PGS1: variants seen among roughly 807,000 people sequenced by gnomAD.
PGS1 encodes CDP-diacylglycerol--glycerol-3-phosphate 3-phosphatidyltransferase, mitochondrial.
A neutral mutation model predicts 58.3 loss-of-function variants in PGS1; 44 were observed. The observed-to-expected ratio is 0.75, with a 90% CI of 0.59 to 0.97. The LOEUF (loss-of-function observed/expected upper bound fraction) is 0.97. Ranked by LOEUF, PGS1 falls within the 50% of genes least tolerant of loss-of-function variation. The probability of loss-of-function intolerance (pLI) is 0.00; values close to 1 mark genes in which losing one functional copy is unlikely to be tolerated. For synonymous variants in PGS1, 330 were observed against 311.0 expected (o/e 1.06, Z -0.64); for missense variants, 684 against 731.1 (o/e 0.94, Z 0.74).
chr17:78,422,469 C>T (rs373287946), intron 9 of PGS1, among the ~76,000 whole-genome samples: 4 of 125,354 alleles, frequency 3.2e-5, no homozygotes, highest in South Asian at 5.4e-4. Context: ...TCAAGCTGAA[C>T]GTAGAACGAT....
intron 8 of PGS1, 70 bp from the exon 9 acceptor site, chr17:78,419,463 AGGGGCTGGGCTGG>A: frequency 8.1e-7 from 1 of 1,238,906 alleles, no homozygotes; most frequent in Non-Finnish European, 1.2e-6. Context: ...GGCTGGCCTG[AGGGGCTGGGCTGG>A]GGCCAGCCGG....
chr17:78,421,179 C>T (rs2085699777), intron 9 of PGS1: 1 of 152,166 alleles, frequency 6.6e-6, no homozygotes, highest in Non-Finnish European at 1.5e-5. Context: ...TTTATAAAGC[C>T]AGCTCTCCAT....
chr17:78,386,259 T>C (rs543546594), intron 1 of PGS1, among the ~76,000 whole-genome samples: 2 of 152,300 alleles, frequency 1.3e-5, no homozygotes, highest in East Asian at 3.9e-4. Context: ...GTCATTTGTT[T>C]TGGTTGTTGC....
At chr17:78,380,669 C>T (rs1460087418) in intron 1 of PGS1, among the ~76,000 whole-genome samples, 1 of 152,118 alleles carries the variant, frequency 6.6e-6, no homozygotes, top group Non-Finnish European at 1.5e-5. Context: ...AATGTTCTAC[C>T]CTTGAAGACA....
In PGS1 at chr17:78,420,897, T is replaced by C. The variant is rs562544629; in HGVS notation, c.*10+1222T>C. 4 of 152,276 alleles carry C rather than the reference T, an allele frequency of 2.6e-5. No homozygotes were observed. In the South Asian group the frequency reaches 8.3e-4, roughly 32 times the overall value. The allele number at this position is 152,276 out of a possible 1,614,324, so 9.4% of individuals were successfully genotyped here. ...TGCTGTCTTCCCCCAAAATGTGTACTTAACCAAAACAGCACCAGTGTCACT... is the reference window on the plus strand; with the variant it reads ...TGCTGTCTTCCCCCAAAATGTGTACCTAACCAAAACAGCACCAGTGTCACT... On this transcript the variant is annotated intron_variant, in intron 9 of 9. Coordinates refer to ENST00000262764, the MANE Select transcript of PGS1 (RefSeq NM_024419.5).
intron 8 of PGS1, among the ~76,000 whole-genome samples, chr17:78,419,099 C>T (rs2085463154): frequency 6.6e-6 from 1 of 152,006 alleles, no homozygotes; most frequent in African/African-American, 2.4e-5. Flanking sequence ...GCTTTGACCT[C>T]CCGGGCTGAA....
At chr17:78,398,917 A>T (rs1898755660) in intron 4 of PGS1, among the ~76,000 whole-genome samples, 1 of 152,246 alleles carries the variant, frequency 6.6e-6, no homozygotes, top group South Asian at 2.1e-4. Context: ...GACTGGCCTG[A>T]CGGTGGCATG....
At chr17:78,386,999 ATGATGATGG>A (rs1325090659) in intron 1 of PGS1, among the ~76,000 whole-genome samples, 2 of 149,136 alleles carry the variant, frequency 1.3e-5, no homozygotes, top group African/African-American at 2.5e-5. Flanking sequence ...GGTGATGATG[ATGATGATGG>A]TGATGATGAT....
At position 78,400,889 on chromosome 17, in the gene PGS1, T is replaced by A; in HGVS notation, c.880+34T>A. On this transcript the variant is annotated intron_variant, in intron 6 of 9. Coordinates refer to ENST00000262764, the MANE Select transcript of PGS1 (RefSeq NM_024419.5). This position sits in a 1 kb window ranked among gnomAD's most constrained non-coding sequence, Gnocchi z 4.4. ...TGCCGCTGACACCCTTCTATGGCTGTGGGTGGGGTGGAGTGAGGGCCCGGG... is the reference window on the plus strand; with the variant it reads ...TGCCGCTGACACCCTTCTATGGCTGAGGGTGGGGTGGAGTGAGGGCCCGGG... 6.5e-7 allele frequency: 1 copy of A among 1,528,706 alleles called. No individual in the cohort carries two copies. Among genetic ancestry groups the A allele is most frequent in the East Asian group, 2.3e-5 (1 of 42,772 alleles). 94.7% of individuals were successfully genotyped at this position (1,528,706 alleles called of 1,614,324 possible).
chr17:78,400,382 CA>C lies in PGS1; in HGVS notation c.702-282del, dbSNP rs35635587. On this transcript the variant is annotated intron_variant, in intron 5 of 9. Transcript: ENST00000262764. This position sits in a 1 kb window ranked among gnomAD's most constrained non-coding sequence, Gnocchi z 4.4. ...CCTGGGCGACAGAATGAGATTGTCT[CA>C]AAAAAAAAAAAAGCCCTGTGTGGTT... is the stretch of plus-strand genomic sequence containing the variant. Among the ~76,000 whole-genome samples, 380 of 134,220 alleles carry C rather than the reference CA, an allele frequency of 2.8e-3. 1 individual carries two copies. Among genetic ancestry groups the C allele is most frequent in the African/African-American group, 4.4e-3 (160 of 36,038 alleles). The allele number at this position is 134,220 out of a possible 152,430, so 88.1% of individuals were successfully genotyped here.
chr17:78,382,621 C>T (rs62079157), intron 1 of PGS1: 2,694 of 145,952 alleles, frequency 0.018, 40 homozygotes, highest in Admixed American at 0.029. Context: ...TTGAGTCATC[C>T]GGCTACACAG....
Position 78,419,805 on chromosome 17 carries a change from C to T in PGS1, c.*10+130C>T, listed in dbSNP as rs2085531342. The stretch of plus-strand genomic sequence containing the variant: ...CCTTTCTCAGTTAAACACAGAGCAG[C>T]ATCTTCAGGGGTATGGCAGCTGTCC... On this transcript the variant is annotated intron_variant, in intron 9 of 9. Coordinates refer to ENST00000262764, the MANE Select transcript of PGS1 (RefSeq NM_024419.5). The T allele has an allele frequency of 2.7e-5, 40 of 1,496,278 alleles. No homozygotes were observed. In the South Asian group the frequency reaches 4.5e-4, roughly 17 times the overall value. 92.7% of individuals were successfully genotyped at this position (1,496,278 alleles called of 1,614,324 possible).
Position 78,403,748 on chromosome 17 carries a change from T to C in PGS1, c.1061T>C (p.Leu354Pro). 1 of 1,614,208 alleles carries C rather than the reference T, an allele frequency of 6.2e-7. No homozygotes were observed. Among genetic ancestry groups the C allele is most frequent in the South Asian group, 1.1e-5 (1 of 91,088 alleles). Residue 354 changes from leucine (L) to proline (P), a missense_variant, in exon 7 of 10, where the codon CTG (leucine) becomes CCG (proline). By Grantham distance (98) the Leu-to-Pro change is moderately conservative. Coordinates refer to ENST00000262764, the MANE Select transcript of PGS1 (RefSeq NM_024419.5). ...RPAPDTWIYPLIQMKPFEIQI... is the reference protein window; with the variant it reads ...RPAPDTWIYPPIQMKPFEIQI... ...GCCCCTGACACCTGGATTTATCCGC[T>C]GATTCAGATGAAGCCCTTCGAGATT... is the stretch of plus-strand genomic sequence containing the variant.
chr17:78,396,483 C>A, intron 3 of PGS1, 98 bp downstream of exon 3: 2 of 841,670 alleles, frequency 2.4e-6, no homozygotes, highest in South Asian at 1.7e-5. Flanking sequence ...GCTGCCTTTC[C>A]TTGGCCTCCA....
At chr17:78,387,997 C>G (rs1483178180) in intron 1 of PGS1, among the ~76,000 whole-genome samples, 1 of 152,160 alleles carries the variant, frequency 6.6e-6, no homozygotes, top group Non-Finnish European at 1.5e-5. Flanking sequence ...TTTTTATGCA[C>G]CTTCCTTTTT....
At chr17:78,423,879 G>T in intron 9 of PGS1, 182 bp from the exon 10 acceptor site, 1 of 1,612,484 alleles carries the variant, frequency 6.2e-7, no homozygotes, top group Non-Finnish European at 8.5e-7. Context: ...CAGCCCCAGG[G>T]AGTGTGGGCT....
Position 78,419,689 on chromosome 17 carries a change from C to T in PGS1, c.*10+14C>T, listed in dbSNP as rs777351796. On this transcript the variant is annotated intron_variant, in intron 9 of 9. Coordinates refer to ENST00000262764, the MANE Select transcript of PGS1 (RefSeq NM_024419.5). ...GAGGACAGACAGGTGCTGTCTCTAGCATCACCTCTCAGCACGATTTTCCCG... is the reference window on the plus strand; with the variant it reads ...GAGGACAGACAGGTGCTGTCTCTAGTATCACCTCTCAGCACGATTTTCCCG... 2 of 1,612,732 alleles carry T rather than the reference C, an allele frequency of 1.2e-6. No homozygotes were observed. Among genetic ancestry groups the T allele is most frequent in the South Asian group, 2.2e-5 (2 of 91,024 alleles).
chr17:78,400,815 C>T lies in PGS1; in HGVS notation c.840C>T (p.Asp280=), dbSNP rs758263507. The change falls in exon 6 of 10, where the codon GAC becomes GAT. Residue 280 remains aspartate, a synonymous_variant. Coordinates refer to ENST00000262764, the MANE Select transcript of PGS1 (RefSeq NM_024419.5). The surrounding 1 kb of genome is among the most constrained non-coding windows in gnomAD (Gnocchi z 4.4). ...GDVSLQLQGD[D]TVQVVDGMVH... ...TGTCCCTGCAGCTGCAGGGGGACGA[C>T]ACGGTGCAGGTGGTGGATGGGATGG... The T allele has an allele frequency of 9.3e-6, 15 of 1,612,730 alleles. No homozygotes were observed. The Admixed American group carries it at 2.3e-4, about 25-fold the overall frequency.
rs1191582553 is a variant in PGS1, at chr17:78,398,313, A to G, written c.473A>G (p.Lys158Arg). 5 of 1,614,048 alleles carry G rather than the reference A, an allele frequency of 3.1e-6. 1 individual carries two copies. The highest frequency in any genetic ancestry group is 4.5e-5 in the East Asian group (2 of 44,886). The change falls in exon 4 of 10, where the codon AAG becomes AGG. Residue 158 changes from lysine (K) to arginine (R), a missense_variant. Transcript: ENST00000262764. Reference sequence around the variant, plus strand: ...CAAGCAAAGTTTCCTTCAAATCTCAAGGTCTCCATTCTCTTAGACTTCACG... The same window carrying G: ...CAAGCAAAGTTTCCTTCAAATCTCAGGGTCTCCATTCTCTTAGACTTCACG... ...SLQAKFPSNL[K>R]VSILLDFTRG... is the part of the protein sequence containing the mutation.
Sources: allele counts gnomAD v4.1 joint callset (sites outside exome capture counted in the v4.1 genomes callset), GRCh38; gene constraint gnomAD v4.1.1; non-coding constraint Gnocchi (gnomAD v3.1); transcripts MANE v1.5; gene names NCBI Gene and HGNC (gene_info 2026-07-23, HGNC 2026-07-21).